Variants in KRT6B observed in about 807,000 individuals in gnomAD.
KRT6B encodes keratin, type II cytoskeletal 6B.
In KRT6B, 29 loss-of-function variants were observed where a neutral mutation model predicts 44.7. That is an observed-to-expected ratio of 0.65 (90% CI 0.48 to 0.88). The LOEUF (loss-of-function observed/expected upper bound fraction) is 0.88. Ranked by LOEUF, KRT6B falls within the 40% of genes least tolerant of loss-of-function variation. The pLI, the probability that KRT6B is intolerant of heterozygous loss-of-function variation, is 0.00. For missense variants in KRT6B, 600 were observed against 724.0 expected (o/e 0.83, Z 1.97); for synonymous variants, 213 against 296.0 (o/e 0.72, Z 2.88).
intron 7 of KRT6B, 34 bp from the exon 8 acceptor site, chr12:52,447,607 C>T (rs1940331802): frequency 6.2e-7 from 1 of 1,613,892 alleles, no homozygotes; most frequent in African/African-American, 1.3e-5. Context: ...GTGAGACCTT[C>T]CCTGGACGAG....
At position 52,449,791 on chromosome 12, in the gene KRT6B, A is replaced by T; in HGVS notation, c.879T>A (p.Asp293Glu). 1.2e-6 allele frequency: 2 copies of T among 1,613,880 alleles called. No individual in the cohort carries two copies. The highest frequency in any genetic ancestry group is 1.7e-6 in the Non-Finnish European group (2 of 1,179,794). The change falls in exon 4 of 9, where the codon GAT becomes GAA. Residue 293 changes from aspartate to glutamate, a missense_variant. Physicochemically the swap from Asp to Glu is conservative, Grantham distance 45. Coordinates refer to ENST00000252252, the MANE Select transcript of KRT6B (RefSeq NM_005555.4). Reference protein sequence around the residue: ...ELQAKADTLTDEINFLRALYD... With the variant: ...ELQAKADTLTEEINFLRALYD... ...ACAAGGCTCTCAGGAAGTTGATCTC[A>T]TCTGTAAGAGTGTCTGCCTTGGCTT...
Position 52,447,980 on chromosome 12 carries a change from C to T in KRT6B, c.1222G>A (p.Ala408Thr), listed in dbSNP as rs141947025. 4.5e-5 allele frequency: 72 copies of T among 1,614,148 alleles called. No homozygotes were observed. The African/African-American group carries it at 6.1e-4, about 14-fold the overall frequency. The change falls in exon 7 of 9, where the codon GCC (alanine) becomes ACC (threonine). Residue 408 changes from alanine to threonine, a missense_variant. Ala to Thr is a moderately conservative substitution (Grantham distance 58). Around this residue, in one of 4 missense-constraint regions of KRT6B, gnomAD observed 479 missense variants for 454.2 expected, o/e 1.05. Coordinates refer to ENST00000252252, the MANE Select transcript of KRT6B (RefSeq NM_005555.4). Reference sequence around the variant, plus strand: ...CCACGCTGCTCAGCATCAGCAATGGCGGCCTGTAGGTTGGCACACTAGGAG... The same window carrying T: ...CCACGCTGCTCAGCATCAGCAATGGTGGCCTGTAGGTTGGCACACTAGGAG... ...VKKQCANLQA[A>T]IADAEQRGEM...
chr12:52,447,959 G>T lies in KRT6B; in HGVS notation c.1243C>A (p.Arg415Ser). The change falls in exon 7 of 9, where the codon CGT (arginine) becomes AGT (serine). Residue 415 changes from arginine (R) to serine (S), a missense_variant. By Grantham distance (110) the Arg-to-Ser change is moderately radical. This residue lies in a region of KRT6B where 479 missense variants were observed against 454.2 expected (regional missense o/e 1.05). Transcript: ENST00000252252. ...LQAAIADAEQ[R>S]GEMALKDAKN... ...GCATCCTTGAGGGCCATCTCCCCAC[G>T]CTGCTCAGCATCAGCAATGGCGGCC... is the stretch of plus-strand genomic sequence containing the variant. 7.4e-6 allele frequency: 12 copies of T among 1,614,126 alleles called. No homozygotes were observed. The highest frequency in any genetic ancestry group is 1.0e-5 in the Non-Finnish European group (12 of 1,180,024).
rs71453295 is a variant in KRT6B, at chr12:52,450,636, A to G, written c.541-16T>C. On this transcript the variant is annotated splice_polypyrimidine_tract_variant and intron_variant, in intron 1 of 8. Transcript: ENST00000252252. ...GGAACCGCACCTGGAGGGGAAGCAA[A>G]ATGGTCATTTTCCAGGAAAAGGAAG... is the stretch of plus-strand genomic sequence containing the variant. 550 of 1,613,998 alleles carry G rather than the reference A, an allele frequency of 3.4e-4. 2 individuals carry two copies. Among genetic ancestry groups the G allele is most frequent in the Non-Finnish European group, 4.3e-4 (504 of 1,179,930 alleles).
Position 52,449,837 on chromosome 12 carries a change from T to TA in KRT6B, c.832dup (p.Tyr278LeufsTer6), listed in dbSNP as rs533997961. ...GGCTTGCAGTTCAACCTTGTTCATG[T>TA]AGGCAGCATCCACATCCTGGGGAAA... is the stretch of plus-strand genomic sequence containing the variant. On this transcript the variant is annotated frameshift_variant, in exon 4 of 9. Transcript: ENST00000252252. LOFTEE classifies it high-confidence loss of function. 2 of 1,613,996 alleles carry TA rather than the reference T, an allele frequency of 1.2e-6. No individual in the cohort carries two copies. The highest frequency in any genetic ancestry group is 2.2e-5 in the South Asian group (2 of 91,072).
chr12:52,447,492 TC>T (rs1940330030), intron 8 of KRT6B, 46 bp downstream of exon 8: 2 of 1,613,726 alleles, frequency 1.2e-6, no homozygotes, highest in Non-Finnish European at 1.7e-6. Context: ...CTGAGCCCAG[TC>T]AGGAGAGTGC....
chr12:52,447,688 G>A, intron 7 of KRT6B, 90 bp downstream of exon 7: 1 of 1,613,878 alleles, frequency 6.2e-7, no homozygotes, highest in Non-Finnish European at 8.5e-7. Context: ...GAGCAATTAT[G>A]GCCTTGGGCA....
intron 6 of KRT6B, among the ~76,000 whole-genome samples, chr12:52,448,222 T>G (rs1028380111): frequency 1.3e-5 from 2 of 152,178 alleles, no homozygotes; most frequent in Admixed American, 1.3e-4. Context: ...CCTAAAGATG[T>G]GGGTGATGAC....
At chr12:52,449,887 A>T (rs1940370474) in intron 3 of KRT6B, 34 bp from the exon 4 acceptor site, 1 of 1,613,428 alleles carries the variant, frequency 6.2e-7, no homozygotes. Context: ...GAGTTGCCTG[A>T]GCTCACCTTT....
At chr12:52,448,764 A>C in intron 6 of KRT6B, 78 bp downstream of exon 6, 6 of 1,611,734 alleles carry the variant, frequency 3.7e-6, no homozygotes, top group Non-Finnish European at 5.1e-6. Context: ...AAAGAATTTT[A>C]CTAAATGATG....
At chr12:52,449,153 T>C (rs1245594755) in intron 5 of KRT6B, among the ~76,000 whole-genome samples, 186 bp from the exon 6 acceptor site, 2 of 152,334 alleles carry the variant, frequency 1.3e-5, no homozygotes, top group Middle Eastern at 3.4e-3. Flanking sequence ...ATCCTTATTA[T>C]GGCACCACTG....
chr12:52,451,395 G>A (rs886677682), intron 1 of KRT6B, 144 bp downstream of exon 1: 1 of 1,389,734 alleles, frequency 7.2e-7, no homozygotes, highest in Non-Finnish European at 1.0e-6. Flanking sequence ...GCTGCCTCCT[G>A]TGCACCGAGA....
In KRT6B at chr12:52,448,744, A is replaced by G. The variant is rs1940350723; in HGVS notation, c.1203+98T>C. The G allele has an allele frequency of 3.1e-6, 5 of 1,600,124 alleles. No individual in the cohort carries two copies. In the East Asian group the frequency reaches 8.9e-5, roughly 29 times the overall value. On this transcript the variant is annotated intron_variant, in intron 6 of 8. Transcript: ENST00000252252. Reference sequence around the variant, plus strand: ...CATGTCTTTCCTTCTCTGCTTATCAATCAATTCCCAAAGAATTTTACTAAA... The same window carrying G: ...CATGTCTTTCCTTCTCTGCTTATCAGTCAATTCCCAAAGAATTTTACTAAA...
chr12:52,451,364 G>C (rs1188033539), intron 1 of KRT6B, among the ~76,000 whole-genome samples, 175 bp downstream of exon 1: 1 of 149,886 alleles, frequency 6.7e-6, no homozygotes, highest in Non-Finnish European at 1.5e-5. Flanking sequence ...GATATCCCAT[G>C]GGGGAGTGAT....
In KRT6B at chr12:52,449,746, G is replaced by A; in HGVS notation, c.912+12C>T. Reference sequence around the variant, plus strand: ...CCATCAGAGTAAACAGAAGGATGGTGGAGTTGCTTACTGCATCATACAAGG... The same window carrying A: ...CCATCAGAGTAAACAGAAGGATGGTAGAGTTGCTTACTGCATCATACAAGG... On this transcript the variant is annotated intron_variant, in intron 4 of 8. Coordinates refer to ENST00000252252, the MANE Select transcript of KRT6B (RefSeq NM_005555.4). 3.7e-6 allele frequency: 6 copies of A among 1,614,064 alleles called. No homozygotes were observed. The highest frequency in any genetic ancestry group is 1.1e-5 in the South Asian group (1 of 91,072).
chr12:52,447,076 A>C lies in KRT6B; in HGVS notation c.*114T>G. On this transcript the variant is annotated 3_prime_UTR_variant, in exon 9 of 9. Coordinates refer to ENST00000252252, the MANE Select transcript of KRT6B (RefSeq NM_005555.4). ...AGAAAAGTGAGGGCATCCCAGCTCT[A>C]CCCGGGAGGGCAGGGGAGACTGGAG... The C allele has an allele frequency of 4.4e-6, 6 of 1,352,116 alleles. No homozygotes were observed. The highest frequency in any genetic ancestry group is 6.2e-6 in the Non-Finnish European group (6 of 972,612). The allele number at this position is 1,352,116 out of a possible 1,614,324, so 83.8% of individuals were successfully genotyped here. A position where few individuals can be genotyped will look rare whatever the true frequency, so the allele number is the denominator to read the frequency against.
Position 52,450,678 on chromosome 12 carries a change from G to T in KRT6B, c.541-58C>A, listed in dbSNP as rs923538974. ...AAAAGGAAGGCAGAGAAAGTGTCTGGTATCCAGTTTCCTGGAGGTCTGGGA... is the reference window on the plus strand; with the variant it reads ...AAAAGGAAGGCAGAGAAAGTGTCTGTTATCCAGTTTCCTGGAGGTCTGGGA... On this transcript the variant is annotated intron_variant, in intron 1 of 8. Coordinates refer to ENST00000252252, the MANE Select transcript of KRT6B (RefSeq NM_005555.4). 6.2e-6 allele frequency: 10 copies of T among 1,613,170 alleles called. No homozygotes were observed. The African/African-American group carries it at 1.2e-4, about 19-fold the overall frequency.
At position 52,449,829 on chromosome 12, in the gene KRT6B, T is replaced by G. The variant is rs151191247; in HGVS notation, c.841A>C (p.Lys281Gln). 2.2e-5 allele frequency: 35 copies of G among 1,613,864 alleles called. No homozygotes were observed. Among genetic ancestry groups the G allele is most frequent in the Non-Finnish European group, 2.9e-5 (34 of 1,179,900 alleles). The change falls in exon 4 of 9, where the codon AAG (lysine) becomes CAG (glutamine). Residue 281 changes from lysine to glutamine, a missense_variant. By Grantham distance (53) the Lys-to-Gln change is moderately conservative (BLOSUM62 1). This residue lies in a region of KRT6B where 479 missense variants were observed against 454.2 expected (regional missense o/e 1.05). Transcript: ENST00000252252. Reference protein sequence around the residue: ...KKDVDAAYMNKVELQAKADTL... With the variant: ...KKDVDAAYMNQVELQAKADTL... ...TCTGCCTTGGCTTGCAGTTCAACCT[T>G]GTTCATGTAGGCAGCATCCACATCC...
At chr12:52,450,164 A>T in intron 2 of KRT6B, 92 bp from the exon 3 acceptor site, 1 of 1,609,174 alleles carries the variant, frequency 6.2e-7, no homozygotes, top group Non-Finnish European at 8.5e-7. Context: ...TGAATGGAAT[A>T]TATTCTAATT....
Sources: allele counts gnomAD v4.1 joint callset (sites outside exome capture counted in the v4.1 genomes callset), GRCh38; gene constraint gnomAD v4.1.1; regional missense constraint gnomAD v4.1.1; transcripts MANE v1.5; gene names NCBI Gene and HGNC (gene_info 2026-07-23, HGNC 2026-07-21).